MITD1: variants seen among roughly 807,000 people sequenced by gnomAD.
The protein encoded by MITD1 is MIT domain-containing protein 1.
Under a neutral mutation model 34.9 loss-of-function variants are expected in MITD1, and 24 were observed. The observed-to-expected ratio is 0.69, with a 90% confidence interval of 0.50 to 0.97. The LOEUF (loss-of-function observed/expected upper bound fraction) is 0.97. MITD1 is among the 50% of genes least tolerant of loss of function. The pLI is 0.00. For synonymous variants in MITD1, 102 were observed against 101.4 expected, an observed-to-expected ratio of 1.01 and a Z score of -0.04; for missense variants, 266 against 294.6, an observed-to-expected ratio of 0.90 and a Z score of 0.71.
chr2:99,168,246 A>G (rs919323599), downstream of MITD1, among the ~76,000 whole-genome samples: 1 of 152,120 alleles, frequency 6.6e-6, no homozygotes, highest in Non-Finnish European at 1.5e-5. Context: ...GGTTCAAGCA[A>G]TTCTCCTGCC....
intron 7 of MITD1, chr2:99,162,991 C>T (rs753014085): frequency 1.2e-6 from 2 of 1,613,122 alleles, no homozygotes; most frequent in Admixed American, 3.3e-5. Context: ...ACCATGCTAA[C>T]AAATATATTA....
At chr2:99,163,148 C>CA (rs991810211) in intron 7 of MITD1, 483 of 579,160 alleles carry the variant, frequency 8.3e-4, no homozygotes, top group East Asian at 1.0e-3. Flanking sequence ...CATTGTATGT[C>CA]AAAAAAAAAC....
chr2:99,173,541 A>C (rs1192380940), intron 2 of MITD1: 1 of 466,416 alleles, frequency 2.1e-6, no homozygotes, highest in Non-Finnish European at 4.4e-6. Context: ...GGAAATATAA[A>C]TAAAATACAC....
At chr2:99,174,605 T>C (rs1201123523) in intron 1 of MITD1, among the ~76,000 whole-genome samples, 1 of 152,186 alleles carries the variant, frequency 6.6e-6, no homozygotes, top group Non-Finnish European at 1.5e-5. Flanking sequence ...TGTTTGTTTG[T>C]TTTGAGACGG....
intron 1 of MITD1, among the ~76,000 whole-genome samples, chr2:99,178,896 A>T (rs560976128): frequency 2.6e-5 from 4 of 152,286 alleles, no homozygotes; most frequent in African/African-American, 9.6e-5. Flanking sequence ...TCCTCTTCAG[A>T]TACATGCTCA....
At chr2:99,164,270 A>C (rs1214848095), downstream of MITD1, among the ~76,000 whole-genome samples, 1 of 152,118 alleles carries the variant, frequency 6.6e-6, no homozygotes, top group Non-Finnish European at 1.5e-5. Flanking sequence ...GTGAGAGTTG[A>C]GGCCTTCAGA....
chr2:99,166,486 G>GAAAAAAAAAAA (rs367705088), downstream of MITD1, among the ~76,000 whole-genome samples: 11 of 116,798 alleles, frequency 9.4e-5, no homozygotes, highest in Admixed American at 1.8e-4. Context: ...GAGGAAATAA[G>GAAAAAAAAAAA]AAAAAAAAAA....
At chr2:99,163,573 C>T (rs187805057) in intron 7 of MITD1, among the ~76,000 whole-genome samples, 22 of 152,174 alleles carry the variant, frequency 1.4e-4, no homozygotes, top group African/African-American at 4.8e-4. Context: ...AGTGATCCGC[C>T]GACCTCAGCC....
intron 4 of MITD1, 146 bp from the exon 5 acceptor site, chr2:99,170,798 A>C (rs1051157163): frequency 1.3e-5 from 6 of 451,650 alleles, no homozygotes; most frequent in African/African-American, 7.8e-5. Flanking sequence ...AAAAACAACC[A>C]ATGTGAGGTA....
At chr2:99,164,106 A>T (rs1465648899) in intron 7 of MITD1, among the ~76,000 whole-genome samples, 4 of 152,086 alleles carry the variant, frequency 2.6e-5, no homozygotes, top group African/African-American at 9.7e-5. Flanking sequence ...CCAATTTGAT[A>T]TTTATAATTT....
chr2:99,168,019 A>C (rs1243464436), downstream of MITD1, among the ~76,000 whole-genome samples: 1 of 152,142 alleles, frequency 6.6e-6, no homozygotes, highest in African/African-American at 2.4e-5. Context: ...TTGGTCCTCT[A>C]CACTGTTTTA....
downstream of MITD1, among the ~76,000 whole-genome samples, chr2:99,168,782 C>T (rs1404394689): frequency 1.3e-5 from 2 of 151,744 alleles, no homozygotes; most frequent in African/African-American, 4.8e-5. Context: ...GCCCATCTGT[C>T]TCTTTTTTTT....
At chr2:99,163,030 TA>T (rs764640673) in intron 7 of MITD1, 2 of 1,595,786 alleles carry the variant, frequency 1.3e-6, no homozygotes, top group Admixed American at 3.6e-5. Flanking sequence ...GACCACAAAC[TA>T]AACAGTAAAT....
intron 1 of MITD1, among the ~76,000 whole-genome samples, chr2:99,174,907 G>A (rs1291596169): frequency 6.7e-6 from 1 of 148,350 alleles, no homozygotes; most frequent in Non-Finnish European, 1.5e-5. Flanking sequence ...TGTATTTTTA[G>A]TAGAGACGGC....
chr2:99,180,658 A>G, intron 1 of MITD1, 173 bp downstream of exon 1: 1 of 637,392 alleles, frequency 1.6e-6, no homozygotes, highest in East Asian at 2.6e-5. Context: ...ACATCAATCT[A>G]TTAAAGATCT....
At chr2:99,177,728 C>G (rs957013927) in intron 1 of MITD1, among the ~76,000 whole-genome samples, 4 of 151,806 alleles carry the variant, frequency 2.6e-5, no homozygotes, top group African/African-American at 9.7e-5. Context: ...GTCTCGAACT[C>G]CTGACCTCAA....
intron 1 of MITD1, chr2:99,178,243 A>C (rs1300468963): frequency 6.6e-6 from 1 of 152,056 alleles, no homozygotes; most frequent in Non-Finnish European, 1.5e-5. Flanking sequence ...TCTCTTTTTA[A>C]TTTTTTGAGG....
chr2:99,162,790 A>C (rs1411573217), intron 7 of MITD1: 1 of 1,614,204 alleles, frequency 6.2e-7, no homozygotes, highest in East Asian at 2.2e-5. Flanking sequence ...AAAACTCCAA[A>C]GTTTAGTATA....
chr2:99,165,039 CACACACACACACACACACACACAT>C (rs1312110352), downstream of MITD1, among the ~76,000 whole-genome samples: 1 of 139,756 alleles, frequency 7.2e-6, no homozygotes, highest in African/African-American at 2.5e-5. Flanking sequence ...CACACACACA[CACACACACACACACACACACACAT>C]ATATATATAG....
Sources: gnomAD v4.1 joint callset for allele counts (sites outside exome capture counted in the v4.1 genomes callset) on GRCh38, gnomAD v4.1.1 for gene constraint, MANE v1.5 for transcripts, NCBI Gene and HGNC (gene_info 2026-07-23, HGNC 2026-07-21) for gene names.